CIDEC: variants seen among roughly 807,000 people sequenced by gnomAD.
CIDEC encodes lipid transferase CIDEC.
Under a neutral mutation model 21.9 loss-of-function variants are expected in CIDEC, and 11 were observed. The ratio of observed to expected loss-of-function variants is 0.50; its 90% CI spans 0.32 to 0.83. CIDEC has a LOEUF of 0.83. CIDEC is among the 40% of genes least tolerant of loss of function. The probability of loss-of-function intolerance (pLI) is 0.04; values close to 1 mark genes in which losing one functional copy is unlikely to be tolerated. For synonymous variants in CIDEC, 127 were observed against 124.9 expected (o/e 1.02, Z -0.11); for missense variants, 302 against 302.3 (o/e 1.00, Z 0.01).
chr3:9,870,378 T>C, intron 4 of CIDEC, 56 bp from the exon 5 acceptor site: 2 of 1,601,836 alleles, frequency 1.2e-6, no homozygotes, highest in South Asian at 1.1e-5. Context: ...GGCTGGACTC[T>C]ATGAGGTGGA....
chr3:9,875,219 C>T (rs2125049720), intron 4 of CIDEC, among the ~76,000 whole-genome samples: 1 of 151,384 alleles, frequency 6.6e-6, no homozygotes, highest in East Asian at 1.9e-4. Flanking sequence ...ACCAAAAATA[C>T]AAAAAAAATT....
chr3:9,873,793 G>C (rs2082383475), intron 4 of CIDEC, among the ~76,000 whole-genome samples: 1 of 152,134 alleles, frequency 6.6e-6, no homozygotes. Context: ...AATAAGAATA[G>C]GCTCCTCAGG....
intron 2 of CIDEC, chr3:9,878,720 C>T (rs1202512638): frequency 6.5e-7 from 1 of 1,532,480 alleles, no homozygotes; most frequent in Non-Finnish European, 8.7e-7. Flanking sequence ...CCTCTCCCCA[C>T]CGGGTGCTCA....
chr3:9,871,093 T>A (rs1358765276), intron 4 of CIDEC, among the ~76,000 whole-genome samples: 1 of 152,082 alleles, frequency 6.6e-6, no homozygotes, highest in Non-Finnish European at 1.5e-5. Flanking sequence ...CAAGTTTTTA[T>A]ATGAACATAT....
chr3:9,869,629 A>G (rs1054925193), intron 6 of CIDEC, among the ~76,000 whole-genome samples: 4 of 152,242 alleles, frequency 2.6e-5, no homozygotes, highest in African/African-American at 9.6e-5. Flanking sequence ...TGTAGTTACT[A>G]GAGTGGAAAG....
At chr3:9,878,244 A>C (rs753445910) in intron 3 of CIDEC, 190 bp downstream of exon 3, 4 of 640,914 alleles carry the variant, frequency 6.2e-6, no homozygotes, top group Non-Finnish European at 1.1e-5. Flanking sequence ...TGGTGGTGTA[A>C]GCAGCAGCAT....
At chr3:9,869,831 T>C (rs2082320505) in intron 6 of CIDEC, 51 bp downstream of exon 6, 3 of 1,538,478 alleles carry the variant, frequency 1.9e-6, no homozygotes, top group Non-Finnish European at 2.7e-6. Flanking sequence ...AGATAGGGGC[T>C]CTCCCATTGC....
rs2082394688 is a variant in CIDEC, at chr3:9,874,591, A to G, written c.207+2475T>C. Among the ~76,000 whole-genome samples the G allele has an allele frequency of 1.3e-5, 2 of 151,936 alleles. 1 individual carries two copies. Among genetic ancestry groups the G allele is most frequent in the South Asian group, 4.1e-4 (2 of 4,824 alleles). On this transcript the variant is annotated intron_variant, in intron 4 of 6. Coordinates refer to ENST00000336832, the MANE Select transcript of CIDEC (RefSeq NM_001321142.2). ...GTGACAGATGCAGAATTCAATGTTT[A>G]CTTAGTACAAAGTACTGACCTAGAA...
At chr3:9,877,301 C>A in intron 3 of CIDEC, 82 bp from the exon 4 acceptor site, 3 of 1,326,264 alleles carry the variant, frequency 2.3e-6, no homozygotes, top group Non-Finnish European at 2.1e-6. Context: ...CTCCCCACCC[C>A]TCCTGACTGG....
intron 6 of CIDEC, among the ~76,000 whole-genome samples, chr3:9,867,989 TA>T (rs1249304069): frequency 2.0e-5 from 3 of 152,160 alleles, no homozygotes; most frequent in African/African-American, 7.2e-5. Context: ...TGCACCCCCT[TA>T]TTCCCATGCT....
chr3:9,871,427 T>C (rs1278226311), intron 4 of CIDEC, among the ~76,000 whole-genome samples: 3 of 147,136 alleles, frequency 2.0e-5, no homozygotes, highest in African/African-American at 5.0e-5. Flanking sequence ...GCTCAAGTAA[T>C]CCTCCCTGCT....
At chr3:9,878,553 G>A in intron 2 of CIDEC, 42 bp from the exon 3 acceptor site, 1 of 1,538,344 alleles carries the variant, frequency 6.5e-7, no homozygotes. Context: ...TGAGATGAGA[G>A]GGTTCCCATC....
chr3:9,875,369 T>A (rs1337598475), intron 4 of CIDEC, among the ~76,000 whole-genome samples: 1 of 120,586 alleles, frequency 8.3e-6, no homozygotes, highest in Non-Finnish European at 1.7e-5. Flanking sequence ...AAAGCGAGAC[T>A]CTGTCTCAAA....
chr3:9,874,292 G>A (rs1010799933), intron 4 of CIDEC, among the ~76,000 whole-genome samples: 1 of 151,964 alleles, frequency 6.6e-6, no homozygotes, highest in Non-Finnish European at 1.5e-5. Flanking sequence ...GAGGTGGGAG[G>A]ATCACTTGAG....
chr3:9,877,299 C>T lies in CIDEC; in HGVS notation c.54-80G>A, dbSNP rs112841653. On this transcript the variant is annotated intron_variant, in intron 3 of 6. Transcript: ENST00000336832. ...CCACACAGGGGAGCCACCTCCCCAC[C>T]CCTCCTGACTGGGCTCATGATCAGT... 6.7e-6 allele frequency: 9 copies of T among 1,336,576 alleles called. No homozygotes were observed. In the African/African-American group the frequency reaches 8.7e-5, roughly 13 times the overall value. 82.8% of individuals were successfully genotyped at this position (1,336,576 alleles called of 1,614,324 possible). A position where few individuals can be genotyped will look rare whatever the true frequency, so the allele number is the denominator to read the frequency against.
chr3:9,878,362 T>C lies in CIDEC; in HGVS notation c.53+72A>G. The stretch of plus-strand genomic sequence containing the variant: ...AGGTCCCCTGTGACCTGTATACCCA[T>C]TAAAGTTTGAGAAGTTCTGGCTTAC... On this transcript the variant is annotated intron_variant, in intron 3 of 6. Coordinates refer to ENST00000336832, the MANE Select transcript of CIDEC (RefSeq NM_001321142.2). 2.6e-6 allele frequency: 3 copies of C among 1,157,492 alleles called. No individual in the cohort carries two copies. The South Asian group carries it at 3.7e-5, about 14-fold the overall frequency. The allele number at this position is 1,157,492 out of a possible 1,614,324, so 71.7% of individuals were successfully genotyped here.
chr3:9,869,091 A>C (rs1339529221), intron 6 of CIDEC, among the ~76,000 whole-genome samples: 2 of 152,118 alleles, frequency 1.3e-5, no homozygotes, highest in Non-Finnish European at 2.9e-5. Context: ...GACCTCCCAA[A>C]GTGCTGGGAT....
At chr3:9,873,315 C>CA (rs1376019977) in intron 4 of CIDEC, among the ~76,000 whole-genome samples, 2 of 152,088 alleles carry the variant, frequency 1.3e-5, no homozygotes, top group Non-Finnish European at 2.9e-5. Flanking sequence ...TGATTAAATG[C>CA]AAAAATGTCA....
chr3:9,878,143 C>G (rs7631805), intron 3 of CIDEC: 5,755 of 394,578 alleles, frequency 0.015, 261 homozygotes, highest in African/African-American at 0.1. Flanking sequence ...GGTATAATAA[C>G]CCCCACTTCC....
Sources: gnomAD v4.1 joint callset for allele counts (sites outside exome capture counted in the v4.1 genomes callset) on GRCh38, gnomAD v4.1.1 for gene constraint, MANE v1.5 for transcripts, NCBI Gene and HGNC (gene_info 2026-07-23, HGNC 2026-07-21) for gene names.